Variants in CD200R1 observed in about 807,000 individuals in gnomAD.
The protein encoded by CD200R1 is cell surface glycoprotein CD200 receptor 1.
In CD200R1, 30 loss-of-function variants were observed where a neutral mutation model predicts 38.1. The ratio of observed to expected loss-of-function variants is 0.79; its 90% CI spans 0.59 to 1.07. CD200R1 has a LOEUF of 1.07. CD200R1 is among the 50% of genes least tolerant of loss of function. The pLI is 0.00. For synonymous variants in CD200R1, 128 were observed against 152.1 expected (o/e 0.84, Z 1.16); for missense variants, 372 against 415.4 (o/e 0.90, Z 0.91).
rs779909680 is a variant in CD200R1, at chr3:112,928,964, G to A, written c.621C>T (p.Gly207=). 9 of 1,613,924 alleles carry A rather than the reference G, an allele frequency of 5.6e-6. No homozygotes were observed. In the Admixed American group the frequency reaches 1.2e-4, roughly 21 times the overall value. The stretch of plus-strand genomic sequence containing the variant: ...AGTATTCTTGCTTAGTGGCACAATC[G>A]CCCTCTGGGATCCAGGAGATATGCG... ...PAAHISWIPE[G]DCATKQEYWS... Residue 207 remains glycine, a synonymous_variant, in exon 5 of 8, where the codon GGC becomes GGT. Coordinates refer to ENST00000308611, the MANE Select transcript of CD200R1 (RefSeq NM_138806.4).
rs548781534 is a variant in CD200R1, at chr3:112,955,911, C to T, written c.68-7987G>A. 7.0e-4 allele frequency among the ~76,000 whole-genome samples: 106 copies of T among 150,860 alleles called. 2 individuals are homozygous for T. The highest frequency in any genetic ancestry group is 2.4e-3 in the African/African-American group (100 of 41,026). On this transcript the variant is annotated intron_variant, in intron 1 of 7. Transcript: ENST00000308611. Reference sequence around the variant, plus strand: ...CCGTTTTTATGTTATGTTATTGCTTCTTTTCTTTTGCTGCCTTCAGGATCC... The same window carrying T: ...CCGTTTTTATGTTATGTTATTGCTTTTTTTCTTTTGCTGCCTTCAGGATCC...
At chr3:112,972,214 G>A (rs979294918) in intron 1 of CD200R1, among the ~76,000 whole-genome samples, 6 of 152,116 alleles carry the variant, frequency 3.9e-5, no homozygotes, top group Admixed American at 1.3e-4. Context: ...ATGCAAACTA[G>A]AAAAGGAAGA....
intron 2 of CD200R1, among the ~76,000 whole-genome samples, chr3:112,941,608 G>GA (rs1940729799): frequency 6.6e-6 from 1 of 151,074 alleles, no homozygotes. Flanking sequence ...TTCAAATTTT[G>GA]TTTTTGAAAA....
At chr3:112,936,573 CAT>C (rs1317406441) in intron 2 of CD200R1, among the ~76,000 whole-genome samples, 3 of 152,140 alleles carry the variant, frequency 2.0e-5, no homozygotes, top group Non-Finnish European at 2.9e-5. Context: ...AGCTTTTTTT[CAT>C]ATGTTTCTTG....
At chr3:112,924,800 A>G (rs542113137) in intron 6 of CD200R1, among the ~76,000 whole-genome samples, 1 of 152,204 alleles carries the variant, frequency 6.6e-6, no homozygotes, top group Admixed American at 6.6e-5. Flanking sequence ...TCTTTGGTGC[A>G]TGAAGGAATT....
chr3:112,966,123 G>A (rs1352074054), intron 1 of CD200R1, among the ~76,000 whole-genome samples: 3 of 152,158 alleles, frequency 2.0e-5, no homozygotes, highest in Non-Finnish European at 4.4e-5. Context: ...CATTAAAGAA[G>A]TCCACACTGG....
chr3:112,942,042 G>A (rs1229286404), intron 2 of CD200R1, among the ~76,000 whole-genome samples: 1 of 151,646 alleles, frequency 6.6e-6, no homozygotes, highest in African/African-American at 2.4e-5. Context: ...AACAAAAATT[G>A]TGGGAATTTG....
intron 3 of CD200R1, 55 bp downstream of exon 3, chr3:112,931,051 A>T: frequency 8.0e-7 from 1 of 1,250,958 alleles, no homozygotes; most frequent in Non-Finnish European, 1.2e-6. Context: ...AATATTTCTA[A>T]GGAAGTTCAA....
chr3:112,932,334 C>G (rs958221421), intron 2 of CD200R1, among the ~76,000 whole-genome samples: 1 of 152,128 alleles, frequency 6.6e-6, no homozygotes, highest in Non-Finnish European at 1.5e-5. Context: ...CCCCTCTCCC[C>G]ACACTTCCAG....
chr3:112,949,821 GAATTCTAGATCTGAACGGGAATAGTT>G (rs1306518125), intron 1 of CD200R1, among the ~76,000 whole-genome samples: 2 of 152,194 alleles, frequency 1.3e-5, no homozygotes, highest in Admixed American at 1.3e-4. Flanking sequence ...CAGACACTAT[GAATTCTAGATCTGAACGGGAATAGTT>G]AAGTTCGGGA....
At chr3:112,973,023 G>A (rs555507288) in intron 1 of CD200R1, among the ~76,000 whole-genome samples, 1 of 152,140 alleles carries the variant, frequency 6.6e-6, no homozygotes, top group East Asian at 1.9e-4. Context: ...AATAACATAA[G>A]CATAGACTTC....
At chr3:112,951,752 G>A (rs1235391317) in intron 1 of CD200R1, among the ~76,000 whole-genome samples, 3 of 149,612 alleles carry the variant, frequency 2.0e-5, no homozygotes, top group African/African-American at 4.9e-5. Context: ...ACAAACAATT[G>A]GAAAATGAAA....
rs199640594 is a variant in CD200R1 at position 112,965,738 on chromosome 3, C to T, written c.67+9053G>A. On this transcript the variant is annotated intron_variant, in intron 1 of 7. Coordinates refer to ENST00000308611, the MANE Select transcript of CD200R1 (RefSeq NM_138806.4). ...ATCGCACCACTGCACTCGAGCCTGGCGACAGAGTGAGACTCCATCTCAAAA... is the reference window on the plus strand; with the variant it reads ...ATCGCACCACTGCACTCGAGCCTGGTGACAGAGTGAGACTCCATCTCAAAA... 4.0e-5 allele frequency among the ~76,000 whole-genome samples: 6 copies of T among 151,588 alleles called. 1 individual carries two copies. The highest frequency in any genetic ancestry group is 1.9e-4 in the East Asian group (1 of 5,152).
chr3:112,957,814 G>A (rs1237858870), intron 1 of CD200R1, among the ~76,000 whole-genome samples: 1 of 152,022 alleles, frequency 6.6e-6, no homozygotes, highest in Non-Finnish European at 1.5e-5. Context: ...ATTAAAATCT[G>A]GGCAAATGAT....
At chr3:112,963,911 T>C (rs1028993999) in intron 1 of CD200R1, among the ~76,000 whole-genome samples, 1 of 152,136 alleles carries the variant, frequency 6.6e-6, no homozygotes, top group Non-Finnish European at 1.5e-5. Flanking sequence ...CAGGAGTCCA[T>C]ATGCTGTGTG....
chr3:112,947,132 G>A (rs1940882570), intron 2 of CD200R1, among the ~76,000 whole-genome samples: 1 of 152,094 alleles, frequency 6.6e-6, no homozygotes, highest in Non-Finnish European at 1.5e-5. Context: ...GGGCAGGGAA[G>A]GATGAATAGG....
chr3:112,939,924 C>A, intron 2 of CD200R1, among the ~76,000 whole-genome samples: 1 of 146,900 alleles, frequency 6.8e-6, no homozygotes, highest in African/African-American at 2.5e-5. Flanking sequence ...CAAAATATAC[C>A]ATAAAGCTGT....
At position 112,922,039 on chromosome 3, in the gene CD200R1, C is replaced by T. The variant is rs1389316264; in HGVS notation, c.*1638G>A. 2 of 151,974 alleles carry T rather than the reference C, an allele frequency of 1.3e-5. No individual in the cohort carries two copies. The highest frequency in any genetic ancestry group is 1.5e-5 in the Non-Finnish European group (1 of 67,950). The allele number at this position is 151,974 out of a possible 1,614,324, so 9.4% of individuals were successfully genotyped here. A position where few individuals can be genotyped will look rare whatever the true frequency, so the allele number is the denominator to read the frequency against. ...TATTTATATGCAGAAACCTAATGGA[C>T]ACTGCTTTTTGGTCAAGTCAAAATG... On this transcript the variant is annotated 3_prime_UTR_variant, in exon 8 of 8. Transcript: ENST00000308611.
chr3:112,921,985 T>C lies in CD200R1; in HGVS notation c.*1692A>G, dbSNP rs1023479684. ...TTAATAAATTTCAAGGACAGTGTAA[T>C]GATGTCTATTGTGAACATTGCTTGG... On this transcript the variant is annotated 3_prime_UTR_variant, in exon 8 of 8. Coordinates refer to ENST00000308611, the MANE Select transcript of CD200R1 (RefSeq NM_138806.4). 1 of 152,042 alleles carries C rather than the reference T, an allele frequency of 6.6e-6. No homozygotes were observed. Among genetic ancestry groups the C allele is most frequent in the Non-Finnish European group, 1.5e-5 (1 of 67,952 alleles). The allele number at this position is 152,042 out of a possible 1,614,324, so 9.4% of individuals were successfully genotyped here.
Sources: allele counts gnomAD v4.1 joint callset (sites outside exome capture counted in the v4.1 genomes callset), GRCh38; gene constraint gnomAD v4.1.1; transcripts MANE v1.5; gene names NCBI Gene and HGNC (gene_info 2026-07-23, HGNC 2026-07-21).